SDK1: variants seen among roughly 807,000 people sequenced by gnomAD.
SDK1 encodes sidekick cell adhesion molecule 1.
SDK1 carries 157 observed loss-of-function variants against 245.5 expected under a neutral mutation model. The ratio of observed to expected loss-of-function variants is 0.64; its 90% confidence interval spans 0.56 to 0.73. The LOEUF (loss-of-function observed/expected upper bound fraction) is 0.73, where lower values mean the gene tolerates loss of function less well. SDK1 is among the 30% of genes least tolerant of loss of function. The pLI is 0.00. For synonymous variants in SDK1, 1,647 were observed against 1,278.5 expected (o/e 1.29, Z -6.15); for missense variants, 3,583 against 3,002.3 (o/e 1.19, Z -4.52).
chr7:4,094,325 G>C (rs1039805561), intron 22 of SDK1, among the ~76,000 whole-genome samples: 12 of 152,196 alleles, frequency 7.9e-5, no homozygotes, highest in Admixed American at 3.9e-4. Flanking sequence ...GCCTCCCAAA[G>C]TGCTGGTATT....
chr7:3,399,473 C>G (rs1443218500), intron 1 of SDK1, among the ~76,000 whole-genome samples: 1 of 152,090 alleles, frequency 6.6e-6, no homozygotes, highest in South Asian at 2.1e-4. Flanking sequence ...ATGGTCTGTA[C>G]ATTCCTATAT....
rs150782158 is a variant in SDK1 at position 3,723,138 on chromosome 7, C to T, written c.713+81033C>T. Among the ~76,000 whole-genome samples the T allele has an allele frequency of 1.0e-3, 158 of 152,282 alleles. 1 individual carries two copies. Among genetic ancestry groups the T allele is most frequent in the African/African-American group, 3.7e-3 (153 of 41,560 alleles). On this transcript the variant is annotated intron_variant, in intron 4 of 44. Coordinates refer to ENST00000404826, the MANE Select transcript of SDK1 (RefSeq NM_152744.4). ...TAAAATTCTGTCCTCAGACGTTTCTCAAGTGTGTTCTAAAATAAAAGGCTT... is the reference window on the plus strand; with the variant it reads ...TAAAATTCTGTCCTCAGACGTTTCTTAAGTGTGTTCTAAAATAAAAGGCTT...
intron 1 of SDK1, among the ~76,000 whole-genome samples, chr7:3,334,574 C>G (rs1379342828): frequency 6.6e-6 from 1 of 152,074 alleles, no homozygotes; most frequent in Non-Finnish European, 1.5e-5. Flanking sequence ...GACAGGAGCA[C>G]GTTCCAGAGG....
chr7:3,320,606 G>T (rs1441422559), intron 1 of SDK1, among the ~76,000 whole-genome samples: 1 of 152,044 alleles, frequency 6.6e-6, no homozygotes, highest in Non-Finnish European at 1.5e-5. Flanking sequence ...GTTAGCTTAT[G>T]GTCTTTCTAG....
chr7:3,455,277 T>A (rs1780635060), intron 1 of SDK1, among the ~76,000 whole-genome samples: 1 of 152,030 alleles, frequency 6.6e-6, no homozygotes, highest in African/African-American at 2.4e-5. Context: ...CAAAGCAAAA[T>A]TTTAAATTTT....
chr7:3,835,839 A>T (rs1326489922), intron 5 of SDK1, among the ~76,000 whole-genome samples: 1 of 152,202 alleles, frequency 6.6e-6, no homozygotes, highest in African/African-American at 2.4e-5. Flanking sequence ...AAGTCAGGGA[A>T]TAGTAATTTT....
At chr7:4,205,522 G>T (rs1342740318) in intron 35 of SDK1, among the ~76,000 whole-genome samples, 1 of 152,180 alleles carries the variant, frequency 6.6e-6, no homozygotes, top group South Asian at 2.1e-4. Context: ...CAAGAAGCAC[G>T]TGGATTACGA....
intron 1 of SDK1, among the ~76,000 whole-genome samples, chr7:3,416,823 T>C (rs1175751992): frequency 6.6e-6 from 1 of 152,128 alleles, no homozygotes; most frequent in African/African-American, 2.4e-5. Flanking sequence ...TCAGATGTTA[T>C]TTGTGGATGT....
intron 4 of SDK1, among the ~76,000 whole-genome samples, chr7:3,728,645 G>A (rs1031734757): frequency 3.3e-5 from 5 of 152,060 alleles, no homozygotes; most frequent in African/African-American, 7.2e-5. Flanking sequence ...TCACTCTGTC[G>A]GCCTGACTGG....
chr7:3,960,571 T>C (rs1781596060), intron 8 of SDK1, among the ~76,000 whole-genome samples: 1 of 152,208 alleles, frequency 6.6e-6, no homozygotes, highest in African/African-American at 2.4e-5. Context: ...AAGATCAGCC[T>C]CTGCCCACAG....
chr7:3,692,986 A>G (rs1481456967), intron 4 of SDK1, among the ~76,000 whole-genome samples: 1 of 151,954 alleles, frequency 6.6e-6, no homozygotes, highest in East Asian at 1.9e-4. Context: ...TACCTGTAAT[A>G]TTTGCCAGTT....
At chr7:3,420,328 G>A (rs970585544) in intron 1 of SDK1, among the ~76,000 whole-genome samples, 2 of 152,220 alleles carry the variant, frequency 1.3e-5, no homozygotes, top group Non-Finnish European at 2.9e-5. Context: ...TGCACAGTTT[G>A]ATGGATTGCC....
chr7:3,431,358 G>GTTTTTTTT (rs34510123), intron 1 of SDK1, among the ~76,000 whole-genome samples: 1 of 118,370 alleles, frequency 8.4e-6, no homozygotes, highest in African/African-American at 3.4e-5. Flanking sequence ...AATGTGGGAG[G>GTTTTTTTT]TTTTTTTTTT....
At chr7:3,347,271 G>A (rs950365971) in intron 1 of SDK1, among the ~76,000 whole-genome samples, 2 of 151,802 alleles carry the variant, frequency 1.3e-5, no homozygotes, top group Non-Finnish European at 2.9e-5. Context: ...ACAACACTTG[G>A]CACATATCTT....
chr7:3,446,675 A>G (rs918252462), intron 1 of SDK1, among the ~76,000 whole-genome samples: 27 of 152,324 alleles, frequency 1.8e-4, no homozygotes, highest in African/African-American at 6.3e-4. Flanking sequence ...ATTTTAAGCA[A>G]TACCTATTTT....
intron 1 of SDK1, among the ~76,000 whole-genome samples, chr7:3,506,646 C>T (rs1045246530): frequency 6.6e-6 from 1 of 152,090 alleles, no homozygotes; most frequent in African/African-American, 2.4e-5. Context: ...CAGTCTTCCT[C>T]CCCCTGCTCC....
chr7:3,444,386 CTCT>C (rs1484406145), intron 1 of SDK1, among the ~76,000 whole-genome samples: 1 of 152,074 alleles, frequency 6.6e-6, no homozygotes, highest in Non-Finnish European at 1.5e-5. Context: ...CTACCGTAGT[CTCT>C]TCTTTCTTAT....
chr7:3,436,564 T>TA (rs1780028509), intron 1 of SDK1, among the ~76,000 whole-genome samples: 1 of 152,138 alleles, frequency 6.6e-6, no homozygotes. Flanking sequence ...ACTGAGGTGA[T>TA]AAAAAATGAA....
intron 1 of SDK1, among the ~76,000 whole-genome samples, chr7:3,462,623 C>T (rs774089696): frequency 6.6e-6 from 1 of 152,178 alleles, no homozygotes; most frequent in African/African-American, 2.4e-5. Flanking sequence ...ACTTACCTAT[C>T]TACCTAGTCC....
Sources: gnomAD v4.1 joint callset for allele counts (sites outside exome capture counted in the v4.1 genomes callset) on GRCh38, gnomAD v4.1.1 for gene constraint, MANE v1.5 for transcripts, NCBI Gene and HGNC (gene_info 2026-07-23, HGNC 2026-07-21) for gene names.